The following BCL2 variants were observed in gnomAD, a reference collection of about 807,000 sequenced individuals.
BCL2 encodes the protein BCL2 apoptosis regulator.
Under a neutral mutation model 14.2 loss-of-function variants are expected in BCL2, and 1 was observed. The ratio of observed to expected loss-of-function variants is 0.07; its 90% CI spans 0.02 to 0.33. The LOEUF is 0.33. Ranked by LOEUF, BCL2 falls within the 10% of genes least tolerant of loss-of-function variation. The pLI is 0.99. For missense variants in BCL2, 247 were observed against 305.9 expected (o/e 0.81, Z 1.44); for synonymous variants, 151 against 137.2 (o/e 1.10, Z -0.70).
At chr18:63,310,093 C>A (rs748374453) in intron 2 of BCL2, among the ~76,000 whole-genome samples, 1 of 152,126 alleles carries the variant, frequency 6.6e-6, no homozygotes, top group South Asian at 2.1e-4. Flanking sequence ...GAACTCCTGA[C>A]TTCAAGTGAT....
intron 2 of BCL2, among the ~76,000 whole-genome samples, chr18:63,268,538 G>A (rs1480147967): frequency 6.6e-6 from 1 of 152,084 alleles, no homozygotes; most frequent in South Asian, 2.1e-4. Context: ...AAATTGAGAC[G>A]AACTGCTGGA....
rs539549203 is a variant in BCL2, at chr18:63,248,986, T to G, written c.585+69096A>C. ...TACTTGGGTGCAACATAATTCTGAT[T>G]CCATGAAGAAATAAGCTTTAGAAAT... is the stretch of plus-strand genomic sequence containing the variant. On this transcript the variant is annotated intron_variant, in intron 2 of 2. Transcript: ENST00000333681. Among the ~76,000 whole-genome samples, 10 of 152,304 alleles carry G rather than the reference T, an allele frequency of 6.6e-5. No homozygotes were observed. The South Asian group carries it at 2.1e-3, about 32-fold the overall frequency.
In BCL2 at chr18:63,231,820, T is replaced by C. The variant is rs529876690; in HGVS notation, c.585+86262A>G. Among the ~76,000 whole-genome samples, 112 of 152,236 alleles carry C rather than the reference T, an allele frequency of 7.4e-4. 5 individuals carry two copies. In the South Asian group the frequency reaches 0.017, roughly 23 times the overall value. On this transcript the variant is annotated intron_variant, in intron 2 of 2. Coordinates refer to ENST00000333681, the MANE Select transcript of BCL2 (RefSeq NM_000633.3). ...ATATAAAAATCCCAGAAAGGTTTTCTTCATGGATATTTGTAACCGGTTTTA... is the reference window on the plus strand; with the variant it reads ...ATATAAAAATCCCAGAAAGGTTTTCCTCATGGATATTTGTAACCGGTTTTA...
At chr18:63,227,640 A>C (rs368836157) in intron 2 of BCL2, among the ~76,000 whole-genome samples, 103 of 152,376 alleles carry the variant, frequency 6.8e-4, no homozygotes, top group African/African-American at 2.2e-3. Flanking sequence ...AATAAGAAGA[A>C]AAAACAAGTA....
rs557669914 is a variant in BCL2 at position 63,228,801 on chromosome 18, C to T, written c.585+89281G>A. Among the ~76,000 whole-genome samples, 33 of 152,268 alleles carry T rather than the reference C, an allele frequency of 2.2e-4. No homozygotes were observed. In the South Asian group the frequency reaches 5.0e-3, roughly 23 times the overall value. On this transcript the variant is annotated intron_variant, in intron 2 of 2. Transcript: ENST00000333681. ...TCCGCTTACTGCAACCTCCGCCTCC[C>T]GGGCTCAAGTAATTCTTGTGCCTCA...
intron 2 of BCL2, chr18:63,151,083 C>G (rs1914641008): frequency 6.6e-6 from 1 of 152,180 alleles, no homozygotes; most frequent in Non-Finnish European, 1.5e-5. Context: ...TCTGTCATCT[C>G]TCTAATTACT....
intron 2 of BCL2, among the ~76,000 whole-genome samples, chr18:63,130,808 G>T (rs1348232678): frequency 6.6e-6 from 1 of 152,084 alleles, no homozygotes; most frequent in African/African-American, 2.4e-5. Context: ...CAAACTCCTA[G>T]AAGTGACCTC....
intron 2 of BCL2, among the ~76,000 whole-genome samples, chr18:63,292,542 G>C (rs760682895): frequency 6.6e-6 from 1 of 152,174 alleles, no homozygotes; most frequent in African/African-American, 2.4e-5. Context: ...GTAATAGAAA[G>C]GGGGGGCTTG....
chr18:63,240,338 CCTTT>C (rs10537349), intron 2 of BCL2, among the ~76,000 whole-genome samples: 64,169 of 151,730 alleles, frequency 0.42, 16,131 homozygotes, highest in Non-Finnish European at 0.57. Context: ...CCCACAGAAG[CCTTT>C]CTTTAAGACC....
chr18:63,291,114 G>A lies in BCL2; in HGVS notation c.585+26968C>T, dbSNP rs561193943. Among the ~76,000 whole-genome samples, 5 of 152,308 alleles carry A rather than the reference G, an allele frequency of 3.3e-5. No individual in the cohort carries two copies. In the East Asian group the frequency reaches 9.7e-4, roughly 29 times the overall value. On this transcript the variant is annotated intron_variant, in intron 2 of 2. Coordinates refer to ENST00000333681, the MANE Select transcript of BCL2 (RefSeq NM_000633.3). ...ACACAGCCAACCCAACTGGCTCTTT[G>A]AAGGTACGCCATCCTTTTCCTGTGG...
chr18:63,295,648 G>A (rs753994795), intron 2 of BCL2, among the ~76,000 whole-genome samples: 1 of 152,044 alleles, frequency 6.6e-6, no homozygotes, highest in Non-Finnish European at 1.5e-5. Context: ...CCCAAGGCCC[G>A]TTGCCCTAAA....
intron 2 of BCL2, among the ~76,000 whole-genome samples, chr18:63,263,866 C>G (rs1293064462): frequency 6.6e-6 from 1 of 152,202 alleles, no homozygotes. Flanking sequence ...ACTCTCATCA[C>G]CCAGGCTGGA....
chr18:63,169,088 A>G (rs771317024), intron 2 of BCL2, among the ~76,000 whole-genome samples: 1 of 152,202 alleles, frequency 6.6e-6, no homozygotes, highest in South Asian at 2.1e-4. Flanking sequence ...AGAATCTAAC[A>G]TGGGCTTCCC....
chr18:63,221,747 G>C (rs1178443467), intron 2 of BCL2, among the ~76,000 whole-genome samples: 3 of 152,326 alleles, frequency 2.0e-5, no homozygotes, highest in East Asian at 1.9e-4. Flanking sequence ...ATAAAGAGCA[G>C]AACATTCCCT....
At chr18:63,219,658 C>G (rs1910329663) in intron 2 of BCL2, among the ~76,000 whole-genome samples, 1 of 152,064 alleles carries the variant, frequency 6.6e-6, no homozygotes, top group Non-Finnish European at 1.5e-5. Context: ...CCATTGTCTT[C>G]CAAGTGTGCC....
At chr18:63,311,547 G>A (rs1393811113) in intron 2 of BCL2, among the ~76,000 whole-genome samples, 1 of 152,190 alleles carries the variant, frequency 6.6e-6, no homozygotes, top group Non-Finnish European at 1.5e-5. Context: ...GTTTTTGGGA[G>A]ACATGATAAT....
intron 2 of BCL2, among the ~76,000 whole-genome samples, chr18:63,219,452 T>A (rs888988375): frequency 1.2e-5 from 1 of 85,022 alleles, no homozygotes; most frequent in Non-Finnish European, 2.7e-5. Flanking sequence ...ACAGCAGAAC[T>A]TTTTTTTTTT....
intron 2 of BCL2, among the ~76,000 whole-genome samples, chr18:63,186,602 T>C (rs531904933): frequency 3.3e-5 from 5 of 152,392 alleles, no homozygotes; most frequent in African/African-American, 1.2e-4. Flanking sequence ...CCAATACATG[T>C]ATTTTTCTTT....
intron 2 of BCL2, among the ~76,000 whole-genome samples, chr18:63,228,192 T>C (rs1183656692): frequency 6.6e-6 from 1 of 152,210 alleles, no homozygotes; most frequent in Non-Finnish European, 1.5e-5. Context: ...CTCCACCCAA[T>C]AAGCATGGAA....
Sources: allele counts gnomAD v4.1 joint callset (sites outside exome capture counted in the v4.1 genomes callset), GRCh38; gene constraint gnomAD v4.1.1; transcripts MANE v1.5; gene names NCBI Gene and HGNC (gene_info 2026-07-23, HGNC 2026-07-21).